The following ATXN1 variants were observed in gnomAD, a reference collection of about 807,000 sequenced individuals.
ATXN1 encodes ataxin 1, also known as ataxin-1.
Under a neutral mutation model 56.4 loss-of-function variants are expected in ATXN1, and 8 were observed. The observed-to-expected ratio is 0.14, with a 90% CI of 0.08 to 0.26. ATXN1 has a LOEUF of 0.26. ATXN1 is among the 10% of genes least tolerant of loss of function. The pLI, the probability that ATXN1 is intolerant of heterozygous loss-of-function variation, is 1.00. For missense variants in ATXN1, 987 were observed against 1,106.5 expected, an observed-to-expected ratio of 0.89 and a Z score of 1.53; for synonymous variants, 514 against 494.6, an observed-to-expected ratio of 1.04 and a Z score of -0.52.
At chr6:16,702,394 C>T (rs1759305638) in intron 2 of ATXN1, among the ~76,000 whole-genome samples, 1 of 152,100 alleles carries the variant, frequency 6.6e-6, no homozygotes, top group African/African-American at 2.4e-5. Context: ...AGAAGAAAAC[C>T]TAGGCAATAC....
chr6:16,581,288 T>C (rs1440407144), intron 4 of ATXN1, among the ~76,000 whole-genome samples: 2 of 150,996 alleles, frequency 1.3e-5, no homozygotes, highest in African/African-American at 2.4e-5. Flanking sequence ...GGGGATGATA[T>C]GGGCAACTCA....
chr6:16,611,849 ATTTTTTTT>A (rs369870821), intron 3 of ATXN1, among the ~76,000 whole-genome samples: 12 of 75,178 alleles, frequency 1.6e-4, no homozygotes, highest in African/African-American at 4.9e-4. Flanking sequence ...AGCAGATGAA[ATTTTTTTT>A]TTTTTTTTTT....
intron 3 of ATXN1, among the ~76,000 whole-genome samples, chr6:16,617,897 T>C (rs1763248660): frequency 6.6e-6 from 1 of 152,036 alleles, no homozygotes; most frequent in East Asian, 1.9e-4. Context: ...ACAACTGATC[T>C]AATATTTGAC....
chr6:16,561,812 G>C (rs936089425), intron 4 of ATXN1, among the ~76,000 whole-genome samples: 1 of 152,122 alleles, frequency 6.6e-6, no homozygotes, highest in Admixed American at 6.6e-5. Context: ...AGAAAACCAA[G>C]GGAGCTTGAG....
chr6:16,714,181 C>CCACACACACACACACA (rs70999343), intron 2 of ATXN1, among the ~76,000 whole-genome samples: 23 of 137,626 alleles, frequency 1.7e-4, no homozygotes, highest in Admixed American at 6.6e-4. Context: ...AAACCACACA[C>CCACACACACACACACA]CACACACACA....
At chr6:16,695,068 C>G (rs1209778589) in intron 2 of ATXN1, among the ~76,000 whole-genome samples, 1 of 152,184 alleles carries the variant, frequency 6.6e-6, no homozygotes, top group Non-Finnish European at 1.5e-5. Flanking sequence ...CCACCTACCA[C>G]CCACTGAAGT....
intron 6 of ATXN1, among the ~76,000 whole-genome samples, chr6:16,333,266 C>T (rs998818029): frequency 2.6e-5 from 4 of 152,208 alleles, no homozygotes; most frequent in Non-Finnish European, 5.9e-5. Flanking sequence ...ATTTTATACA[C>T]AACTCAATCA....
rs917693861 is a variant in ATXN1 at position 16,506,971 on chromosome 6, G to A, written c.-299+15656C>T. The stretch of plus-strand genomic sequence containing the variant: ...AGATGGATGGATGGACAGACAAATG[G>A]CCGGTGACCAAAATACATATACTCC... On this transcript the variant is annotated intron_variant, in intron 5 of 7. Transcript: ENST00000436367. The surrounding 1 kb of genome is among the most constrained non-coding windows in gnomAD (Gnocchi z 4.1). Among the ~76,000 whole-genome samples, 2 of 152,150 alleles carry A rather than the reference G, an allele frequency of 1.3e-5. No individual in the cohort carries two copies. Among genetic ancestry groups the A allele is most frequent in the African/African-American group, 4.8e-5 (2 of 41,448 alleles).
chr6:16,636,663 C>G (rs1451156870), intron 3 of ATXN1, among the ~76,000 whole-genome samples: 1 of 152,162 alleles, frequency 6.6e-6, no homozygotes, highest in Non-Finnish European at 1.5e-5. Context: ...TAATATGAAA[C>G]CTTTTATACA....
chr6:16,565,441 T>C (rs1200904157), intron 4 of ATXN1, among the ~76,000 whole-genome samples: 1 of 152,188 alleles, frequency 6.6e-6, no homozygotes, highest in African/African-American at 2.4e-5. Flanking sequence ...AAAAGTAATC[T>C]CTAACATCAT....
At chr6:16,365,634 T>C (rs1286701260) in intron 6 of ATXN1, among the ~76,000 whole-genome samples, 1 of 152,270 alleles carries the variant, frequency 6.6e-6, no homozygotes, top group Non-Finnish European at 1.5e-5. Flanking sequence ...AACATTATTT[T>C]ACTTTTCATC....
intron 2 of ATXN1, chr6:16,739,691 G>A (rs896121169): frequency 4.1e-5 from 17 of 411,074 alleles, no homozygotes; most frequent in Admixed American, 2.7e-4. Context: ...GGAAACAGAC[G>A]TCAGACTATG....
At chr6:16,604,984 C>CATGT (rs1289680337) in intron 3 of ATXN1, among the ~76,000 whole-genome samples, 1 of 152,164 alleles carries the variant, frequency 6.6e-6, no homozygotes, top group African/African-American at 2.4e-5. Flanking sequence ...ATTACATGCA[C>CATGT]ATGTATGGTG....
chr6:16,399,147 C>A (rs1373389024), intron 6 of ATXN1, among the ~76,000 whole-genome samples: 1 of 152,182 alleles, frequency 6.6e-6, no homozygotes, highest in African/African-American at 2.4e-5. Flanking sequence ...AATGGACTGA[C>A]CTTGTGGCTG....
chr6:16,526,602 T>C (rs2113701077), intron 4 of ATXN1, among the ~76,000 whole-genome samples: 1 of 152,024 alleles, frequency 6.6e-6, no homozygotes, highest in Middle Eastern at 3.4e-3. Flanking sequence ...CTGTCTCTAC[T>C]AAAAATACAA....
chr6:16,641,594 C>T (rs1763707027), intron 3 of ATXN1, among the ~76,000 whole-genome samples: 1 of 152,222 alleles, frequency 6.6e-6, no homozygotes, highest in African/African-American at 2.4e-5. Context: ...TGCTTATTGA[C>T]AATGCACTTC....
intron 6 of ATXN1, among the ~76,000 whole-genome samples, chr6:16,480,816 T>C (rs924015403): frequency 6.6e-6 from 1 of 152,032 alleles, no homozygotes; most frequent in East Asian, 1.9e-4. Context: ...CCTCCTCCTC[T>C]CCAAGATGCT....
chr6:16,748,346 C>T, intron 2 of ATXN1, among the ~76,000 whole-genome samples: 1 of 152,134 alleles, frequency 6.6e-6, no homozygotes, highest in South Asian at 2.1e-4. Context: ...TTACCTGTGT[C>T]ATGGCTCTTT....
intron 3 of ATXN1, among the ~76,000 whole-genome samples, chr6:16,642,650 G>GT (rs1389332805): frequency 3.3e-5 from 5 of 152,134 alleles, no homozygotes; most frequent in African/African-American, 4.8e-5. Context: ...TGTGGCAAAC[G>GT]TCATTGTTGT....
Sources: allele counts gnomAD v4.1 joint callset (sites outside exome capture counted in the v4.1 genomes callset), GRCh38; gene constraint gnomAD v4.1.1; non-coding constraint Gnocchi (gnomAD v3.1); transcripts MANE v1.5; gene names NCBI Gene and HGNC (gene_info 2026-07-23, HGNC 2026-07-21).